Variants in ACSS3 observed in about 807,000 individuals in gnomAD.
ACSS3 encodes the protein acyl-CoA synthetase short chain family member 3.
Under a neutral mutation model 84.2 loss-of-function variants are expected in ACSS3, and 64 were observed. The observed-to-expected ratio is 0.76, with a 90% CI of 0.62 to 0.94. The LOEUF (loss-of-function observed/expected upper bound fraction) is 0.94. Ranked by LOEUF, ACSS3 falls within the 40% of genes least tolerant of loss-of-function variation. The pLI is 0.00. For missense variants in ACSS3, 815 were observed against 867.6 expected (o/e 0.94, Z 0.76); for synonymous variants, 317 against 310.1 (o/e 1.02, Z -0.23).
At chr12:81,232,402 G>T (rs2033496859) in intron 12 of ACSS3, among the ~76,000 whole-genome samples, 1 of 151,774 alleles carries the variant, frequency 6.6e-6, no homozygotes, top group Non-Finnish European at 1.5e-5. Context: ...GCACAGAAGG[G>T]TTGAGTAACT....
At chr12:81,168,377 T>C (rs1887500320) in intron 7 of ACSS3, among the ~76,000 whole-genome samples, 1 of 152,176 alleles carries the variant, frequency 6.6e-6, no homozygotes, top group Non-Finnish European at 1.5e-5. Context: ...CCATAGAAGC[T>C]ATTGACTCCT....
intron 8 of ACSS3, among the ~76,000 whole-genome samples, chr12:81,179,297 A>AAAAAAAAAAAAAAAAAAAAAAAAAG (rs1451880015): frequency 2.1e-5 from 1 of 46,812 alleles, no homozygotes; most frequent in Non-Finnish European, 6.1e-5. Context: ...AAAGAAAAAG[A>AAAAAAAAAAAAAAAAAAAAAAAAAG]AAAAAAAAAC....
chr12:81,154,116 A>G (rs1886751604), intron 7 of ACSS3, among the ~76,000 whole-genome samples: 1 of 152,252 alleles, frequency 6.6e-6, no homozygotes. Flanking sequence ...TCTTTGCAAT[A>G]TAATGTTTTT....
intron 13 of ACSS3, among the ~76,000 whole-genome samples, chr12:81,236,076 T>A (rs568868984): frequency 1.3e-4 from 20 of 151,566 alleles, no homozygotes; most frequent in African/African-American, 4.6e-4. Context: ...GCAAGAATGG[T>A]GCTAACTGTA....
At chr12:81,212,599 C>T (rs1414902621) in intron 9 of ACSS3, among the ~76,000 whole-genome samples, 1 of 152,148 alleles carries the variant, frequency 6.6e-6, no homozygotes, top group African/African-American at 2.4e-5. Context: ...AAAAAGAATA[C>T]TCCCTTTTCT....
At chr12:81,178,768 C>G (rs901077698) in intron 8 of ACSS3, among the ~76,000 whole-genome samples, 4 of 152,162 alleles carry the variant, frequency 2.6e-5, no homozygotes, top group Non-Finnish European at 5.9e-5. Context: ...TTACCAATGA[C>G]ACTTTTCACA....
intron 13 of ACSS3, among the ~76,000 whole-genome samples, chr12:81,249,597 A>G (rs2034089483): frequency 6.6e-6 from 1 of 152,094 alleles, no homozygotes; most frequent in Admixed American, 6.5e-5. Context: ...CTGTGTATCC[A>G]GCTAAGATGC....
At chr12:81,213,953 C>T (rs200502500) in intron 9 of ACSS3, among the ~76,000 whole-genome samples, 33 of 18,640 alleles carry the variant, frequency 1.8e-3, no homozygotes, top group Non-Finnish European at 1.1e-3. Context: ...CTCTCTCCCT[C>T]TCTCTCTTTC....
Position 81,148,897 on chromosome 12 carries a change from T to TAAAAA in ACSS3, c.922-2926_922-2922dup, listed in dbSNP as rs397851051. Among the ~76,000 whole-genome samples the TAAAAA allele has an allele frequency of 1.8e-3, 149 of 81,814 alleles. 1 individual carries two copies. The highest frequency in any genetic ancestry group is 6.9e-3 in the African/African-American group (136 of 19,658). 53.7% of individuals were successfully genotyped at this position (81,814 alleles called of 152,430 possible). ...TAGCACGGTGAAACCCTGCCTCTAC[T>TAAAAA]AAAAAAAAAAAAAAAAAAAAAAAAA... On this transcript the variant is annotated intron_variant, in intron 5 of 15. Coordinates refer to ENST00000548058, the MANE Select transcript of ACSS3 (RefSeq NM_024560.4).
intron 11 of ACSS3, among the ~76,000 whole-genome samples, chr12:81,228,862 T>C (rs1446783930): frequency 6.6e-6 from 1 of 151,646 alleles, no homozygotes; most frequent in Non-Finnish European, 1.5e-5. Flanking sequence ...GACCAAAATG[T>C]TTGATTTGGG....
intron 8 of ACSS3, among the ~76,000 whole-genome samples, chr12:81,176,143 A>G (rs2030460930): frequency 6.6e-6 from 1 of 152,240 alleles, no homozygotes; most frequent in Non-Finnish European, 1.5e-5. Flanking sequence ...AAATAAACAT[A>G]ATCAGAAATG....
At chr12:81,136,252 G>T (rs1213168238) in intron 3 of ACSS3, among the ~76,000 whole-genome samples, 2 of 152,124 alleles carry the variant, frequency 1.3e-5, no homozygotes, top group African/African-American at 4.8e-5. Flanking sequence ...TGAATTTAGT[G>T]CAGGAGTTAG....
At chr12:81,203,873 C>T (rs570822717) in intron 9 of ACSS3, among the ~76,000 whole-genome samples, 222 of 152,208 alleles carry the variant, frequency 1.5e-3, no homozygotes, top group Non-Finnish European at 1.4e-3. Context: ...ATTGACTGAA[C>T]TTTTCGTTTT....
chr12:81,111,820 A>G (rs1883619168), intron 2 of ACSS3, among the ~76,000 whole-genome samples: 1 of 152,218 alleles, frequency 6.6e-6, no homozygotes, highest in South Asian at 2.1e-4. Flanking sequence ...CCTTTGATTT[A>G]ATAGTAGGAA....
chr12:81,181,850 C>T (rs2135845215), intron 8 of ACSS3, among the ~76,000 whole-genome samples: 1 of 144,520 alleles, frequency 6.9e-6, no homozygotes, highest in African/African-American at 2.6e-5. Context: ...TTTGAAATGA[C>T]TCATTCACAG....
chr12:81,109,774 A>C, intron 2 of ACSS3, 70 bp downstream of exon 2: 8 of 1,260,518 alleles, frequency 6.3e-6, no homozygotes, highest in Non-Finnish European at 8.5e-6. Context: ...ATACATTCTC[A>C]TTGTAGAGCC....
intron 1 of ACSS3, among the ~76,000 whole-genome samples, chr12:81,108,572 C>T (rs1049059682): frequency 6.6e-6 from 1 of 152,116 alleles, no homozygotes; most frequent in African/African-American, 2.4e-5. Flanking sequence ...CCACTGAGCC[C>T]GGCCTCTGTG....
In ACSS3 at chr12:81,257,299, A is replaced by T. The variant is rs1461101609; in HGVS notation, c.*2377A>T. ...AGAATGTTGTTACTTTTATGTGATG[A>T]AAAAATAGGGCAAGAAAGATATACC... On this transcript the variant is annotated 3_prime_UTR_variant, in exon 16 of 16. Coordinates refer to ENST00000548058, the MANE Select transcript of ACSS3 (RefSeq NM_024560.4). The T allele has an allele frequency of 2.6e-5, 4 of 152,160 alleles. No individual in the cohort carries two copies. Among genetic ancestry groups the T allele is most frequent in the Admixed American group, 6.6e-5 (1 of 15,254 alleles). The allele number at this position is 152,160 out of a possible 1,614,324, so 9.4% of individuals were successfully genotyped here.
At chr12:81,132,326 G>A (rs1885556876) in intron 2 of ACSS3, among the ~76,000 whole-genome samples, 1 of 152,120 alleles carries the variant, frequency 6.6e-6, no homozygotes, top group South Asian at 2.1e-4. Context: ...GGTGTTTTCA[G>A]GGACTCAAAT....
Sources: gnomAD v4.1 joint callset for allele counts (sites outside exome capture counted in the v4.1 genomes callset) on GRCh38, gnomAD v4.1.1 for gene constraint, MANE v1.5 for transcripts, NCBI Gene and HGNC (gene_info 2026-07-23, HGNC 2026-07-21) for gene names.